LGR5: variants seen among roughly 807,000 people sequenced by gnomAD.
LGR5 encodes the protein leucine rich repeat containing G protein-coupled receptor 5.
Under a neutral mutation model 76.7 loss-of-function variants are expected in LGR5, and 54 were observed. The ratio of observed to expected loss-of-function variants is 0.70; its 90% confidence interval spans 0.57 to 0.88. The LOEUF (loss-of-function observed/expected upper bound fraction) is 0.88. Ranked by LOEUF, LGR5 falls within the 40% of genes least tolerant of loss-of-function variation. LGR5 has a pLI of 0.00. For missense variants in LGR5, 1,078 were observed against 1,073.3 expected, an observed-to-expected ratio of 1.00 and a Z score of -0.06; for synonymous variants, 406 against 421.9, an observed-to-expected ratio of 0.96 and a Z score of 0.46.
Position 71,568,413 on chromosome 12 carries a change from T to C in LGR5, c.1070+1501T>C, listed in dbSNP as rs147635252. 2.5e-3 allele frequency among the ~76,000 whole-genome samples: 386 copies of C among 152,328 alleles called. 2 individuals are homozygous for C. The highest frequency in any genetic ancestry group is 0.01 in the Middle Eastern group (3 of 294). On this transcript the variant is annotated intron_variant, in intron 11 of 17. Transcript: ENST00000266674. ...CATGAGGACTGATTAAATGACTACA[T>C]GTCAAACAGTTACAGCAGCACCTGG...
intron 8 of LGR5, among the ~76,000 whole-genome samples, chr12:71,563,071 G>A (rs1466778735): frequency 1.3e-5 from 2 of 152,054 alleles, no homozygotes; most frequent in African/African-American, 4.8e-5. Context: ...CCACAGTACT[G>A]GTTTTTCATC....
chr12:71,542,773 G>A (rs1231722796), intron 4 of LGR5, among the ~76,000 whole-genome samples: 1 of 152,120 alleles, frequency 6.6e-6, no homozygotes, highest in East Asian at 1.9e-4. Flanking sequence ...GGAGTGTGTG[G>A]TTCCAGGATA....
At position 71,572,836 on chromosome 12, in the gene LGR5, C is replaced by A. The variant is rs541256244; in HGVS notation, c.1137-14C>A. On this transcript the variant is annotated splice_polypyrimidine_tract_variant and intron_variant, in intron 12 of 17. Coordinates refer to ENST00000266674, the MANE Select transcript of LGR5 (RefSeq NM_003667.4). ...GTAACTTTGAAATCAATCTTTGGAA[C>A]CCTGTCATTTCAGTGACCTAAGACA... 1.2e-6 allele frequency: 2 copies of A among 1,606,472 alleles called. No individual in the cohort carries two copies. The highest frequency in any genetic ancestry group is 1.7e-6 in the Non-Finnish European group (2 of 1,173,480).
At position 71,583,672 on chromosome 12, in the gene LGR5, G is replaced by T. The variant is rs750039786; in HGVS notation, c.1662G>T (p.Leu554=). The change falls in exon 18 of 18, where the codon CTG becomes CTT. Residue 554 remains leucine, a synonymous_variant. Coordinates refer to ENST00000266674, the MANE Select transcript of LGR5 (RefSeq NM_003667.4). ...SPGPFKPCEH[L]LDGWLIRIGV... is the part of the protein sequence containing the mutation. ...GCCCCTTCAAACCCTGTGAACACCT[G>T]CTTGATGGCTGGCTGATCAGAATTG... The T allele has an allele frequency of 6.2e-7, 1 of 1,613,464 alleles. No homozygotes were observed. Among genetic ancestry groups the T allele is most frequent in the South Asian group, 1.1e-5 (1 of 91,026 alleles).
intron 17 of LGR5, among the ~76,000 whole-genome samples, chr12:71,582,942 G>GAGGA (rs72361433): frequency 2.4e-4 from 34 of 143,344 alleles, no homozygotes; most frequent in Admixed American, 7.2e-4. Context: ...GTACAGATAA[G>GAGGA]AGGAAGGAAG....
intron 1 of LGR5, among the ~76,000 whole-genome samples, chr12:71,493,992 G>A (rs1241879561): frequency 3.4e-5 from 5 of 145,158 alleles, no homozygotes; most frequent in African/African-American, 1.3e-4. Flanking sequence ...CCCCCAGGCT[G>A]GAGTGTAGTG....
intron 2 of LGR5, among the ~76,000 whole-genome samples, chr12:71,505,824 A>C (rs1874824976): frequency 6.6e-6 from 1 of 152,162 alleles, no homozygotes; most frequent in South Asian, 2.1e-4. Context: ...GGAATCTTAG[A>C]TTTCTAGATT....
At chr12:71,503,266 A>G (rs1874694529) in intron 1 of LGR5, among the ~76,000 whole-genome samples, 1 of 152,212 alleles carries the variant, frequency 6.6e-6, no homozygotes. Flanking sequence ...TTATCTAGAC[A>G]ACGCCAGAAA....
chr12:71,478,121 A>G (rs1873421270), intron 1 of LGR5, among the ~76,000 whole-genome samples: 1 of 152,204 alleles, frequency 6.6e-6, no homozygotes, highest in African/African-American at 2.4e-5. Context: ...ATTTCTGATT[A>G]TATATGTAGT....
intron 6 of LGR5, 76 bp from the exon 7 acceptor site, chr12:71,559,510 T>A: frequency 1.2e-6 from 1 of 810,350 alleles, no homozygotes; most frequent in East Asian, 2.6e-5. Context: ...TGGAATAGCA[T>A]GTTAACTTTC....
chr12:71,578,086 G>A, intron 14 of LGR5, 90 bp downstream of exon 14: 1 of 965,180 alleles, frequency 1.0e-6, no homozygotes, highest in East Asian at 2.4e-5. Flanking sequence ...TGAAGAAGCT[G>A]GATATGCACA....
intron 2 of LGR5, among the ~76,000 whole-genome samples, chr12:71,521,789 C>G (rs1482396133): frequency 6.6e-6 from 1 of 152,146 alleles, no homozygotes; most frequent in African/African-American, 2.4e-5. Context: ...TATTCAAGGC[C>G]CTATACGGAT....
At chr12:71,508,877 A>G (rs1426006597) in intron 2 of LGR5, among the ~76,000 whole-genome samples, 1 of 151,954 alleles carries the variant, frequency 6.6e-6, no homozygotes, top group African/African-American at 2.4e-5. Context: ...ACATTCTAGA[A>G]CACTTACTAC....
At chr12:71,472,835 C>A (rs1179950504) in intron 1 of LGR5, among the ~76,000 whole-genome samples, 1 of 152,154 alleles carries the variant, frequency 6.6e-6, no homozygotes, top group Non-Finnish European at 1.5e-5. Flanking sequence ...TAGTCAGTAG[C>A]AAAATATGTG....
At chr12:71,483,524 C>G (rs919040283) in intron 1 of LGR5, among the ~76,000 whole-genome samples, 1 of 152,076 alleles carries the variant, frequency 6.6e-6, no homozygotes, top group Non-Finnish European at 1.5e-5. Flanking sequence ...CACAAAGAAC[C>G]TGAATTTTAA....
At chr12:71,492,412 A>G (rs1373601002) in intron 1 of LGR5, among the ~76,000 whole-genome samples, 1 of 152,106 alleles carries the variant, frequency 6.6e-6, no homozygotes, top group Non-Finnish European at 1.5e-5. Context: ...AATTCTCTGA[A>G]TTTGATTTGA....
At chr12:71,541,606 A>C (rs1339961980) in intron 4 of LGR5, among the ~76,000 whole-genome samples, 1 of 152,222 alleles carries the variant, frequency 6.6e-6, no homozygotes, top group African/African-American at 2.4e-5. Flanking sequence ...ACAAAATCAG[A>C]ATGTGGAATT....
intron 4 of LGR5, among the ~76,000 whole-genome samples, chr12:71,538,525 A>G (rs1876716778): frequency 6.6e-6 from 1 of 152,064 alleles, no homozygotes; most frequent in Non-Finnish European, 1.5e-5. Context: ...AGTGTTTTCT[A>G]ACTGGCTTAA....
intron 3 of LGR5, among the ~76,000 whole-genome samples, chr12:71,530,905 A>T (rs1876270667): frequency 1.3e-5 from 2 of 151,800 alleles, no homozygotes; most frequent in South Asian, 4.2e-4. Context: ...ATACCTAAGA[A>T]TTGAGCCATC....
Sources: allele counts gnomAD v4.1 joint callset (sites outside exome capture counted in the v4.1 genomes callset), GRCh38; gene constraint gnomAD v4.1.1; transcripts MANE v1.5; gene names NCBI Gene and HGNC (gene_info 2026-07-23, HGNC 2026-07-21).